Variants in RANBP1 observed in about 807,000 individuals in gnomAD.
RANBP1 encodes RAN binding protein 1.
RANBP1 carries 16 observed loss-of-function variants against 31.4 expected under a neutral mutation model. The observed-to-expected ratio is 0.51, with a 90% CI of 0.34 to 0.77. The LOEUF is 0.77. Ranked by LOEUF, RANBP1 falls within the 30% of genes least tolerant of loss-of-function variation. RANBP1 has a pLI of 0.01. For missense variants in RANBP1, 265 were observed against 362.0 expected (o/e 0.73, Z 2.17); for synonymous variants, 129 against 140.5 (o/e 0.92, Z 0.58).
intron 2 of RANBP1, among the ~76,000 whole-genome samples, chr22:20,120,265 G>A (rs149998006): frequency 2.6e-5 from 4 of 152,238 alleles, no homozygotes; most frequent in African/African-American, 9.6e-5. Flanking sequence ...GTCACAGAGG[G>A]TGATGGACAT....
At position 20,127,192 on chromosome 22, in the gene RANBP1, TTG is replaced by T. The variant is rs2050319864; in HGVS notation, c.*142_*143del. ...TAAAGAACTGAACTCAACATTCAGG[TTG>T]TTTTTTTTTTTTGTTTCTAAGTTTT... On this transcript the variant is annotated 3_prime_UTR_variant, in exon 6 of 6. Transcript: ENST00000430524. 6.2e-6 allele frequency: 4 copies of T among 647,134 alleles called. No homozygotes were observed. The highest frequency in any genetic ancestry group is 3.8e-5 in the Admixed American group (1 of 26,444). The allele number at this position is 647,134 out of a possible 1,614,324, so 40.1% of individuals were successfully genotyped here.
chr22:20,126,317 A>T lies in RANBP1; in HGVS notation c.685A>T (p.Lys229Ter), dbSNP rs1440147846. 6.2e-7 allele frequency: 1 copy of T among 1,613,322 alleles called. No individual in the cohort carries two copies. The highest frequency in any genetic ancestry group is 2.2e-5 in the East Asian group (1 of 44,896). ...CCCTTCCACAGATGCACAGAAATTCAAAACAAAGTTTGAAGAATGCAGGAA... is the reference window on the plus strand; with the variant it reads ...CCCTTCCACAGATGCACAGAAATTCTAAACAAAGTTTGAAGAATGCAGGAA... ...FLNAENAQKF[K>*]TKFEECRKEI... The change falls in exon 5 of 6, where the codon AAA (lysine) becomes TAA (stop). Residue 229 changes from lysine to a stop codon, truncating the protein, a stop_gained. Coordinates refer to ENST00000430524, the MANE Select transcript of RANBP1 (RefSeq NM_001278639.2). LOFTEE classifies it high-confidence loss of function.
chr22:20,122,671 G>A, intron 3 of RANBP1: 1 of 1,460,226 alleles, frequency 6.8e-7, no homozygotes, highest in Non-Finnish European at 9.2e-7. Context: ...GGAGGACGCA[G>A]CGCCCAGGCT....
At chr22:20,122,236 A>C in intron 2 of RANBP1, 28 bp from the exon 3 acceptor site, 1 of 1,607,224 alleles carries the variant, frequency 6.2e-7, no homozygotes, top group Non-Finnish European at 8.5e-7. Flanking sequence ...GCAGGTCTGC[A>C]CTCTTAACCT....
intron 3 of RANBP1, among the ~76,000 whole-genome samples, chr22:20,123,618 G>T (rs2050236089): frequency 1.3e-5 from 2 of 151,970 alleles, no homozygotes; most frequent in Admixed American, 1.3e-4. Context: ...GGAGGAAACG[G>T]GAGGGGAACG....
Position 20,119,455 on chromosome 22 carries a change from G to A in RANBP1, c.383+306G>A, listed in dbSNP as rs1602535104. The A allele has an allele frequency of 8.7e-6, 3 of 344,820 alleles. No individual in the cohort carries two copies. The East Asian group carries it at 1.9e-4, about 21-fold the overall frequency. 21.4% of individuals were successfully genotyped at this position (344,820 alleles called of 1,614,324 possible). On this transcript the variant is annotated intron_variant, in intron 2 of 5. Coordinates refer to ENST00000430524, the MANE Select transcript of RANBP1 (RefSeq NM_001278639.2). The stretch of plus-strand genomic sequence containing the variant: ...AGGATCCAGGGAGTCCCTTGGTTGA[G>A]CAGGGGGTTTTAAGTTTTTGCAGCA...
rs1602556995 is a variant in RANBP1, at chr22:20,127,060, T to C, written c.*8T>C. ...GCTGAGGAGAAGCAATAAATCGTCTTATTTTATTTTCTTTTCCTCTCTTTC... is the reference window on the plus strand; with the variant it reads ...GCTGAGGAGAAGCAATAAATCGTCTCATTTTATTTTCTTTTCCTCTCTTTC... On this transcript the variant is annotated 3_prime_UTR_variant, in exon 6 of 6. Coordinates refer to ENST00000430524, the MANE Select transcript of RANBP1 (RefSeq NM_001278639.2). The C allele has an allele frequency of 6.3e-7, 1 of 1,590,590 alleles. No homozygotes were observed. Among genetic ancestry groups the C allele is most frequent in the Non-Finnish European group, 8.5e-7 (1 of 1,169,822 alleles).
chr22:20,117,437 C>G (rs910033708), intron 1 of RANBP1: 3 of 1,196,034 alleles, frequency 2.5e-6, no homozygotes, highest in Non-Finnish European at 3.1e-6. Flanking sequence ...TGTCCGCCTC[C>G]TGAGCCAATA....
rs570471918 is a variant in RANBP1, at chr22:20,118,172, C to G, written c.247-841C>G. 24 of 1,001,820 alleles carry G rather than the reference C, an allele frequency of 2.4e-5. No homozygotes were observed. The Admixed American group carries it at 4.9e-4, about 20-fold the overall frequency. 62.1% of individuals were successfully genotyped at this position (1,001,820 alleles called of 1,614,324 possible). A position where few individuals can be genotyped will look rare whatever the true frequency, so the allele number is the denominator to read the frequency against. On this transcript the variant is annotated intron_variant, in intron 1 of 5. Transcript: ENST00000430524. ...ACCCAGGCGGCGGCTTTGTTGGCTG[C>G]GGTGTCTGGTTGAGTGCGGGCCGCT...
Position 20,116,204 on chromosome 22 carries a change from G to A in RANBP1, c.20G>A (p.Arg7Gln), listed in dbSNP as rs1192920286. The change falls in exon 1 of 6, where the codon CGG becomes CAG. Residue 7 changes from arginine to glutamine, a missense_variant. This residue lies in a region of RANBP1 where 126 missense variants were observed against 123.6 expected (regional missense o/e 1.02). Transcript: ENST00000430524. MGSALG[R>Q]ARRTLSGRPF... The stretch of plus-strand genomic sequence containing the variant: ...CTGGCCATGGGGTCGGCCTTGGGCC[G>A]GGCCAGGCGCACACTGAGTGGGCGG... 11 of 1,612,884 alleles carry A rather than the reference G, an allele frequency of 6.8e-6. No individual in the cohort carries two copies. The highest frequency in any genetic ancestry group is 1.7e-5 in the Admixed American group (1 of 60,008).
In RANBP1 at chr22:20,119,127, G is replaced by A; in HGVS notation, c.361G>A (p.Asp121Asn). Reference sequence around the variant, plus strand: ...GCAAGAAATTAAAACACTGGAAGAAGATGAAGAGGAACTTTTTAAAATGTA... The same window carrying A: ...GCAAGAAATTAAAACACTGGAAGAAAATGAAGAGGAACTTTTTAAAATGTA... ...PEQEIKTLEE[D>N]EEELFKMRAK... is the part of the protein sequence containing the mutation. Residue 121 changes from aspartate (D) to asparagine (N), a missense_variant, in exon 2 of 6, where the codon GAT (aspartate) becomes AAT (asparagine). By Grantham distance (23) the Asp-to-Asn change is conservative. Around this residue, in one of 3 missense-constraint regions of RANBP1, gnomAD observed 90 missense variants for 190.5 expected, o/e 0.47. Transcript: ENST00000430524. 1.9e-6 allele frequency: 3 copies of A among 1,613,004 alleles called. No homozygotes were observed. Among genetic ancestry groups the A allele is most frequent in the East Asian group, 2.2e-5 (1 of 44,890 alleles).
At chr22:20,123,147 G>A (rs555700368) in intron 3 of RANBP1, among the ~76,000 whole-genome samples, 213 of 135,350 alleles carry the variant, frequency 1.6e-3, no homozygotes, top group African/African-American at 5.6e-3. Context: ...GGGGGGCTGT[G>A]TGGTGTCTGA....
intron 4 of RANBP1, 148 bp downstream of exon 4, chr22:20,125,584 T>TG: frequency 6.5e-7 from 1 of 1,527,540 alleles, no homozygotes; most frequent in Non-Finnish European, 8.8e-7. Flanking sequence ...CCCTGCTGTT[T>TG]GGGGGCCATG....
At chr22:20,123,777 G>C (rs1369084778) in intron 3 of RANBP1, among the ~76,000 whole-genome samples, 1 of 152,038 alleles carries the variant, frequency 6.6e-6, no homozygotes, top group Non-Finnish European at 1.5e-5. Flanking sequence ...AGTATGGCTG[G>C]CTGCCAGCTG....
intron 1 of RANBP1, chr22:20,117,253 T>C: frequency 1.8e-6 from 1 of 561,796 alleles, no homozygotes; most frequent in Non-Finnish European, 2.8e-6. Context: ...AACGTCATCG[T>C]CACGCGCCGG....
intron 3 of RANBP1, 189 bp downstream of exon 3, chr22:20,122,610 G>A (rs1262946632): frequency 6.5e-7 from 1 of 1,527,256 alleles, no homozygotes; most frequent in Non-Finnish European, 8.8e-7. Context: ...CAGGCCCGCA[G>A]CGAAGCTTAG....
At chr22:20,116,968 T>A (rs997413109) in intron 1 of RANBP1, 229 of 1,557,978 alleles carry the variant, frequency 1.5e-4, no homozygotes, top group Non-Finnish European at 1.9e-4. Context: ...CACCTCGTCC[T>A]GGGCCTGTCA....
At chr22:20,125,678 C>T in intron 4 of RANBP1, 3 of 1,383,916 alleles carry the variant, frequency 2.2e-6, no homozygotes, top group Non-Finnish European at 2.8e-6. Context: ...GCCCGCTCAG[C>T]CGCCTTGTGG....
At chr22:20,122,723 C>CATT in intron 3 of RANBP1, 1 of 928,860 alleles carries the variant, frequency 1.1e-6, no homozygotes, top group South Asian at 2.2e-5. Flanking sequence ...CGAGGGGGTG[C>CATT]TGTGTGTGTG....
Sources: gnomAD v4.1 joint callset for allele counts (sites outside exome capture counted in the v4.1 genomes callset) on GRCh38, gnomAD v4.1.1 for gene constraint, gnomAD v4.1.1 regional missense constraint, MANE v1.5 for transcripts, NCBI Gene and HGNC (gene_info 2026-07-23, HGNC 2026-07-21) for gene names.